THBS1: variants seen among roughly 807,000 people sequenced by gnomAD.
THBS1 encodes the protein thrombospondin 1, also known as thrombospondin-1.
THBS1 carries 29 observed loss-of-function variants against 126.1 expected under a neutral mutation model. That is an observed-to-expected ratio of 0.23 (90% CI 0.17 to 0.31). The LOEUF is 0.31. Among genes scored for constraint, THBS1 ranks in the 10% least tolerant of loss-of-function variants. The pLI is 1.00. For synonymous variants in THBS1, 496 were observed against 577.8 expected, an observed-to-expected ratio of 0.86 and a Z score of 2.03; for missense variants, 1,198 against 1,545.2, an observed-to-expected ratio of 0.78 and a Z score of 3.77.
At position 39,582,349 on chromosome 15, in the gene THBS1, T is replaced by A; in HGVS notation, c.224T>A (p.Phe75Tyr). 1 of 1,614,196 alleles carries A rather than the reference T, an allele frequency of 6.2e-7. No individual in the cohort carries two copies. Among genetic ancestry groups the A allele is most frequent in the South Asian group, 1.1e-5 (1 of 91,086 alleles). ...ATCCCCCCTGTGCCTGATGACAAGTTCCAAGACCTGGTGGATGCTGTGCGG... is the reference window on the plus strand; with the variant it reads ...ATCCCCCCTGTGCCTGATGACAAGTACCAAGACCTGGTGGATGCTGTGCGG... ...NLIPPVPDDK[F>Y]QDLVDAVRAE... The change falls in exon 3 of 22, where the codon TTC becomes TAC. Residue 75 changes from phenylalanine to tyrosine, a missense_variant. By Grantham distance (22) the Phe-to-Tyr change is conservative. Coordinates refer to ENST00000260356, the MANE Select transcript of THBS1 (RefSeq NM_003246.4).
Position 39,592,835 on chromosome 15 carries a change from A to T in THBS1, c.2767+33A>T. The T allele has an allele frequency of 1.9e-6, 3 of 1,594,918 alleles. No homozygotes were observed. The highest frequency in any genetic ancestry group is 2.6e-6 in the Non-Finnish European group (3 of 1,167,206). On this transcript the variant is annotated intron_variant, in intron 17 of 21. Coordinates refer to ENST00000260356, the MANE Select transcript of THBS1 (RefSeq NM_003246.4). This position sits in a 1 kb window ranked among gnomAD's most constrained non-coding sequence, Gnocchi z 4.3. Reference sequence around the variant, plus strand: ...ATGGGAGCCACTTTCTAAGACAGGGACTGCTGGCACAGCTGTGTAGATTGA... The same window carrying T: ...ATGGGAGCCACTTTCTAAGACAGGGTCTGCTGGCACAGCTGTGTAGATTGA...
Position 39,581,863 on chromosome 15 carries a change from G to A in THBS1, c.6G>A (p.Gly2=). M[G]LAWGLGVLFL... is the part of the protein sequence containing the mutation. ...TGGGCACCAACAGCTCCACCATGGG[G>A]CTGGCCTGGGGACTAGGCGTCCTGT... is the stretch of plus-strand genomic sequence containing the variant. Residue 2 remains glycine (G), a synonymous_variant, in exon 2 of 22, where the codon GGG becomes GGA. Transcript: ENST00000260356. 1.2e-6 allele frequency: 2 copies of A among 1,614,062 alleles called. No individual in the cohort carries two copies. Among genetic ancestry groups the A allele is most frequent in the South Asian group, 1.1e-5 (1 of 91,068 alleles).
rs1348614485 is a variant in THBS1, at chr15:39,581,927, G to T, written c.67+3G>T. On this transcript the variant is annotated splice_donor_region_variant and intron_variant, in intron 2 of 21. Coordinates refer to ENST00000260356, the MANE Select transcript of THBS1 (RefSeq NM_003246.4). ...GTGTGGCACCAACCGCATTCCAGGT[G>T]AGTTTGTGTGGCACCTTTAGGGGAA... 6.2e-7 allele frequency: 1 copy of T among 1,614,106 alleles called. No homozygotes were observed. Among genetic ancestry groups the T allele is most frequent in the Middle Eastern group, 1.6e-4 (1 of 6,062 alleles).
chr15:39,589,823 C>A lies in THBS1; in HGVS notation c.1945C>A (p.Pro649Thr). ...ANKQVCKPRN[P>T]CTDGTHDCNK... Reference sequence around the variant, plus strand: ...CCCTCAGGTGTGCAAGCCCCGTAACCCCTGCACGGATGGGACCCACGACTG... The same window carrying A: ...CCCTCAGGTGTGCAAGCCCCGTAACACCTGCACGGATGGGACCCACGACTG... The change falls in exon 13 of 22, where the codon CCC becomes ACC. Residue 649 changes from proline to threonine, a missense_variant. By Grantham distance (38) the Pro-to-Thr change is conservative. Around this residue, in one of 4 missense-constraint regions of THBS1, gnomAD observed 663 missense variants for 860.1 expected, o/e 0.77. Transcript: ENST00000260356. The surrounding 1 kb of genome is among the most constrained non-coding windows in gnomAD (Gnocchi z 4.7). 2 of 1,613,090 alleles carry A rather than the reference C, an allele frequency of 1.2e-6. No individual in the cohort carries two copies. The highest frequency in any genetic ancestry group is 2.2e-5 in the South Asian group (2 of 90,854).
At chr15:39,585,429 T>C in intron 6 of THBS1, 41 bp from the exon 7 acceptor site, 1 of 1,565,570 alleles carries the variant, frequency 6.4e-7, no homozygotes, top group East Asian at 2.2e-5. Flanking sequence ...GTATGCAACA[T>C]GCTCAGCAGC....
intron 7 of THBS1, 54 bp from the exon 8 acceptor site, chr15:39,587,289 CTAAA>C: frequency 6.4e-7 from 1 of 1,554,972 alleles, no homozygotes; most frequent in Non-Finnish European, 8.7e-7. Context: ...ACAGAGCCCT[CTAAA>C]GAACAGCTTG....
At chr15:39,586,711 T>G (rs1235159503) in intron 7 of THBS1, 1 of 152,164 alleles carries the variant, frequency 6.6e-6, no homozygotes, top group Non-Finnish European at 1.5e-5. Flanking sequence ...TCCTATAAGC[T>G]TCCTCATACT....
chr15:39,591,076 C>G (rs975250321), intron 14 of THBS1, 115 bp from the exon 15 acceptor site: 31 of 1,185,350 alleles, frequency 2.6e-5, no homozygotes, highest in African/African-American at 2.0e-4. Context: ...AGCCTATCCA[C>G]TAGGTAGAAA....
In THBS1 at chr15:39,593,655, A is replaced by G. The variant is rs1890374268; in HGVS notation, c.3254A>G (p.Asn1085Ser). 6.2e-7 allele frequency: 1 copy of G among 1,613,558 alleles called. No homozygotes were observed. Among genetic ancestry groups the G allele is most frequent in the Non-Finnish European group, 8.5e-7 (1 of 1,179,992 alleles). The change falls in exon 19 of 22, where the codon AAC (asparagine) becomes AGC (serine). Residue 1085 changes from asparagine (N) to serine (S), a missense_variant. Asn to Ser is a conservative substitution (Grantham distance 46). Transcript: ENST00000260356. The surrounding 1 kb of genome is among the most constrained non-coding windows in gnomAD (Gnocchi z 5.9). Reference protein sequence around the residue: ...HLRNALWHTGNTPGQVRTLWH... With the variant: ...HLRNALWHTGSTPGQVRTLWH... ...CGGAACGCCCTGTGGCACACAGGAAACACCCCTGGCCAGGTAAGAAGCAAA... is the reference window on the plus strand; with the variant it reads ...CGGAACGCCCTGTGGCACACAGGAAGCACCCCTGGCCAGGTAAGAAGCAAA...
At position 39,595,477 on chromosome 15, in the gene THBS1, T is replaced by C; in HGVS notation, c.*108T>C. ...CAGGATCACTTCTCCTTGGCTTCCT[T>C]CTTTTCTGTGCTTGCATCAGTGTGG... is the stretch of plus-strand genomic sequence containing the variant. On this transcript the variant is annotated 3_prime_UTR_variant, in exon 22 of 22. Coordinates refer to ENST00000260356, the MANE Select transcript of THBS1 (RefSeq NM_003246.4). 7.1e-7 allele frequency: 1 copy of C among 1,401,904 alleles called. No individual in the cohort carries two copies. Among genetic ancestry groups the C allele is most frequent in the East Asian group, 2.4e-5 (1 of 41,728 alleles). 86.8% of individuals were successfully genotyped at this position (1,401,904 alleles called of 1,614,324 possible).
Position 39,582,180 on chromosome 15 carries a change from T to G in THBS1, c.68-13T>G, listed in dbSNP as rs1261336687. 5 of 1,580,790 alleles carry G rather than the reference T, an allele frequency of 3.2e-6. No homozygotes were observed. The highest frequency in any genetic ancestry group is 1.8e-5 in the Admixed American group (1 of 56,472). ...CCTAGAAAGCTCACTTTGTGTTCTC[T>G]CCTGTCTAACAGAGTCTGGCGGAGA... On this transcript the variant is annotated splice_polypyrimidine_tract_variant and intron_variant, in intron 2 of 21. Transcript: ENST00000260356.
Position 39,597,728 on chromosome 15 carries a change from C to A in THBS1, c.*2359C>A, listed in dbSNP as rs1890505771. The stretch of plus-strand genomic sequence containing the variant: ...TATAAAAGAGAAATTATCCCTAAGT[C>A]AAGGGCCCCCATAAGAATAAAATTT... On this transcript the variant is annotated 3_prime_UTR_variant, in exon 22 of 22. Transcript: ENST00000260356. 6.6e-6 allele frequency: 1 copy of A among 152,184 alleles called. No individual in the cohort carries two copies. Among genetic ancestry groups the A allele is most frequent in the Admixed American group, 6.5e-5 (1 of 15,274 alleles). The allele number at this position is 152,184 out of a possible 1,614,324, so 9.4% of individuals were successfully genotyped here.
Position 39,591,320 on chromosome 15 carries a change from G to T in THBS1, c.2383G>T (p.Asp795Tyr). 6.2e-7 allele frequency: 1 copy of T among 1,614,190 alleles called. No individual in the cohort carries two copies. The highest frequency in any genetic ancestry group is 8.5e-7 in the Non-Finnish European group (1 of 1,180,020). ...QADTDNNGEG[D>Y]ACAADIDGDG... ...AGACACAGACAACAATGGGGAAGGA[G>T]ACGCCTGTGCTGCAGACATTGATGG... The change falls in exon 15 of 22, where the codon GAC becomes TAC. Residue 795 changes from aspartate to tyrosine, a missense_variant. Asp to Tyr is a radical substitution (Grantham distance 160). Around this residue, in one of 4 missense-constraint regions of THBS1, gnomAD observed 663 missense variants for 860.1 expected, o/e 0.77. Coordinates refer to ENST00000260356, the MANE Select transcript of THBS1 (RefSeq NM_003246.4).
rs1050393378 is a variant in THBS1 at position 39,592,729 on chromosome 15, T to C, written c.2694T>C (p.Asp898=). The change falls in exon 17 of 22, where the codon GAT becomes GAC. Residue 898 remains aspartate (D), a synonymous_variant. Transcript: ENST00000260356. This position sits in a 1 kb window ranked among gnomAD's most constrained non-coding sequence, Gnocchi z 4.3. ...DGKGDACDHD[D]DNDGIPDDKD... is the part of the protein sequence containing the mutation. ...AGGGAGATGCCTGTGACCACGATGA[T>C]GACAACGATGGCATTCCTGATGACA... The C allele has an allele frequency of 6.2e-7, 1 of 1,614,180 alleles. No individual in the cohort carries two copies. The highest frequency in any genetic ancestry group is 8.5e-7 in the Non-Finnish European group (1 of 1,180,034).
intron 3 of THBS1, among the ~76,000 whole-genome samples, 199 bp from the exon 4 acceptor site, chr15:39,583,418 G>A (rs1283970585): frequency 6.6e-6 from 1 of 152,202 alleles, no homozygotes; most frequent in Non-Finnish European, 1.5e-5. Context: ...CTCAAGACTT[G>A]GCAGAAGTCA....
chr15:39,593,760 A>G lies in THBS1; in HGVS notation c.3267+92A>G. ...GCTTTGACCAAGACTCTGACCAGGG[A>G]GTCTTAGAAAGTTCCCAGCATCACC... On this transcript the variant is annotated intron_variant, in intron 19 of 21. Transcript: ENST00000260356. The surrounding 1 kb of genome is among the most constrained non-coding windows in gnomAD (Gnocchi z 5.9). 6.6e-7 allele frequency: 1 copy of G among 1,510,142 alleles called. No individual in the cohort carries two copies. The highest frequency in any genetic ancestry group is 8.9e-7 in the Non-Finnish European group (1 of 1,124,086). 93.5% of individuals were successfully genotyped at this position (1,510,142 alleles called of 1,614,324 possible).
chr15:39,587,231 A>C, intron 7 of THBS1, 116 bp from the exon 8 acceptor site: 1 of 1,030,254 alleles, frequency 9.7e-7, no homozygotes, highest in Admixed American at 2.8e-5. Flanking sequence ...AAAGCCAAAA[A>C]GAAATAAATA....
rs61462091 is a variant in THBS1, at chr15:39,589,421, G to A, written c.1926+67G>A. The A allele has an allele frequency of 3.7e-4, 581 of 1,578,652 alleles. 2 individuals carry two copies. The African/African-American group carries it at 5.9e-3, about 16-fold the overall frequency. ...GTCCTTGACCAAAATAACTGGGAGC[G>A]GGAGGAATGTAATTTCATACCCTTC... On this transcript the variant is annotated intron_variant, in intron 12 of 21. Transcript: ENST00000260356. The surrounding 1 kb of genome is among the most constrained non-coding windows in gnomAD (Gnocchi z 4.7).
In THBS1 at chr15:39,584,181, C is replaced by A. The variant is rs377746249; in HGVS notation, c.897C>A (p.Arg299=). 23 of 1,613,990 alleles carry A rather than the reference C, an allele frequency of 1.4e-5. No individual in the cohort carries two copies. The highest frequency in any genetic ancestry group is 1.9e-5 in the Non-Finnish European group (23 of 1,179,970). The change falls in exon 5 of 22, where the codon CGC becomes CGA. Residue 299 remains arginine, a synonymous_variant. Coordinates refer to ENST00000260356, the MANE Select transcript of THBS1 (RefSeq NM_003246.4). The part of the protein sequence containing the change: ...TIVTTLQDSI[R]KVTEENKELA... ...TGACCACGCTGCAGGACAGCATCCG[C>A]AAAGTGGTCAGTGGCCTCTGCACCC...
Sources: gnomAD v4.1 joint callset for allele counts (sites outside exome capture counted in the v4.1 genomes callset) on GRCh38, gnomAD v4.1.1 for gene constraint, gnomAD v4.1.1 regional missense constraint, Gnocchi (gnomAD v3.1) non-coding constraint, MANE v1.5 for transcripts, NCBI Gene and HGNC (gene_info 2026-07-23, HGNC 2026-07-21) for gene names.